NSF: variants seen among roughly 807,000 people sequenced by gnomAD.
NSF encodes N-ethylmaleimide sensitive factor, vesicle fusing ATPase, also known as vesicle-fusing ATPase.
Under a neutral mutation model 50.3 loss-of-function variants are expected in NSF, and 14 were observed. The ratio of observed to expected loss-of-function variants is 0.28; its 90% CI spans 0.18 to 0.44. The LOEUF is 0.44. Among genes scored for constraint, NSF ranks in the 20% least tolerant of loss-of-function variants. The probability of loss-of-function intolerance (pLI) is 1.00; values close to 1 mark genes in which losing one functional copy is unlikely to be tolerated. For synonymous variants in NSF, 109 were observed against 175.7 expected, an observed-to-expected ratio of 0.62 and a Z score of 3.00; for missense variants, 218 against 504.3, an observed-to-expected ratio of 0.43 and a Z score of 5.44.
At position 46,750,939 on chromosome 17, in the gene NSF, A is replaced by C. The variant is rs549032081; in HGVS notation, c.2044-564A>C. ...TTTTTTGAAAATGACAGTCATTTTT[A>C]AAAAAGAACGTTCTTCATTTAACTT... is the stretch of plus-strand genomic sequence containing the variant. On this transcript the variant is annotated intron_variant, in intron 18 of 20. Transcript: ENST00000398238. Among the ~76,000 whole-genome samples the C allele has an allele frequency of 3.9e-5, 6 of 152,214 alleles. No homozygotes were observed. In the East Asian group the frequency reaches 1.2e-3, roughly 29 times the overall value.
intron 15 of NSF, among the ~76,000 whole-genome samples, chr17:46,718,652 C>T (rs983838212): frequency 6.6e-6 from 1 of 152,130 alleles, no homozygotes; most frequent in African/African-American, 2.4e-5. Context: ...TTTGGGCTTG[C>T]TCAGCTCTCC....
chr17:46,710,183 T>C (rs1004607103), intron 13 of NSF, among the ~76,000 whole-genome samples: 1 of 152,202 alleles, frequency 6.6e-6, no homozygotes, highest in South Asian at 2.1e-4. Context: ...GATCTTTACA[T>C]GTAGTAGGTT....
intron 16 of NSF, among the ~76,000 whole-genome samples, chr17:46,727,221 G>A (rs2058898433): frequency 1.3e-5 from 2 of 152,158 alleles, no homozygotes; most frequent in Admixed American, 6.5e-5. Flanking sequence ...CTGTGTTGAA[G>A]TGCACTCCTA....
chr17:46,694,285 G>C (rs1156432964), intron 11 of NSF, among the ~76,000 whole-genome samples, 190 bp from the exon 12 acceptor site: 1 of 138,666 alleles, frequency 7.2e-6, no homozygotes, highest in Non-Finnish European at 1.5e-5. Flanking sequence ...TACTCGGAAG[G>C]CTGAGATAGG....
intron 9 of NSF, among the ~76,000 whole-genome samples, chr17:46,679,647 G>T (rs532231016): frequency 0.013 from 1,872 of 141,866 alleles, 15 homozygotes; most frequent in Admixed American, 0.019. Flanking sequence ...AGCCAAGATC[G>T]TGCCACTGGA....
At chr17:46,718,073 A>G (rs1450712856) in intron 15 of NSF, among the ~76,000 whole-genome samples, 5 of 152,204 alleles carry the variant, frequency 3.3e-5, no homozygotes, top group African/African-American at 1.2e-4. Context: ...AATGCCCCAC[A>G]GACCTAGGAT....
At chr17:46,742,910 A>G (rs1362660294) in intron 17 of NSF, among the ~76,000 whole-genome samples, 1 of 152,206 alleles carries the variant, frequency 6.6e-6, no homozygotes, top group East Asian at 1.9e-4. Flanking sequence ...ATGAAAAATT[A>G]TTCCTATTTC....
intron 17 of NSF, among the ~76,000 whole-genome samples, chr17:46,737,075 C>T (rs575845879): frequency 6.6e-6 from 1 of 152,146 alleles, no homozygotes; most frequent in Admixed American, 6.5e-5. Context: ...TAAGGAACAT[C>T]TGCTTTTATT....
chr17:46,729,726 TTAGAGA>T (rs1259703258), intron 17 of NSF, among the ~76,000 whole-genome samples: 5 of 152,158 alleles, frequency 3.3e-5, no homozygotes, highest in Admixed American at 6.5e-5. Flanking sequence ...ATATTTAAAG[TTAGAGA>T]TAGAAACTAA....
At chr17:46,740,037 T>A (rs539800994) in intron 17 of NSF, among the ~76,000 whole-genome samples, 3 of 152,334 alleles carry the variant, frequency 2.0e-5, no homozygotes, top group Admixed American at 2.0e-4. Context: ...CAAAGTTTCA[T>A]AGGCCCTGGG....
At chr17:46,710,694 C>G (rs1332636671) in intron 13 of NSF, among the ~76,000 whole-genome samples, 1 of 152,136 alleles carries the variant, frequency 6.6e-6, no homozygotes, top group Non-Finnish European at 1.5e-5. Context: ...TATTCTTTCT[C>G]TCAGGAATTA....
intron 19 of NSF, 126 bp from the exon 20 acceptor site, chr17:46,755,188 T>TGTAG: frequency 1.4e-6 from 1 of 695,984 alleles, no homozygotes; most frequent in Admixed American, 2.2e-5. Flanking sequence ...AAGGAGCAGG[T>TGTAG]AACACATTCA....
At chr17:46,630,931 A>G (rs2058128652) in intron 4 of NSF, among the ~76,000 whole-genome samples, 1 of 137,564 alleles carries the variant, frequency 7.3e-6, no homozygotes, top group South Asian at 2.2e-4. Context: ...AAAAAATTGT[A>G]TTTATAGAAA....
chr17:46,712,706 T>C (rs1434646094), intron 14 of NSF, among the ~76,000 whole-genome samples: 1 of 151,840 alleles, frequency 6.6e-6, no homozygotes, highest in African/African-American at 2.4e-5. Flanking sequence ...ACAGTGAGGG[T>C]GTGGGTTGAG....
chr17:46,752,742 C>T (rs559968133), intron 19 of NSF, among the ~76,000 whole-genome samples: 5 of 152,258 alleles, frequency 3.3e-5, no homozygotes, highest in Non-Finnish European at 7.4e-5. Flanking sequence ...AGGCATGCAC[C>T]ACTATGCCTG....
At position 46,755,989 on chromosome 17, in the gene NSF, A is replaced by G. The variant is rs1273918704; in HGVS notation, c.*166A>G. On this transcript the variant is annotated 3_prime_UTR_variant, in exon 21 of 21. Transcript: ENST00000398238. The stretch of plus-strand genomic sequence containing the variant: ...TGCAATAAAACTCCCTTCCTTATGC[A>G]TACTGAGATAGCTTAGTGTCTCGTG... 2 of 630,754 alleles carry G rather than the reference A, an allele frequency of 3.2e-6. No individual in the cohort carries two copies. The highest frequency in any genetic ancestry group is 5.4e-6 in the Non-Finnish European group (2 of 371,294). 39.1% of individuals were successfully genotyped at this position (630,754 alleles called of 1,614,324 possible).
chr17:46,697,846 AT>A (rs573783439), intron 12 of NSF, among the ~76,000 whole-genome samples: 1,472 of 127,336 alleles, frequency 0.012, 13 homozygotes, highest in Middle Eastern at 0.034. Context: ...GGCACCCACC[AT>A]CACGCCTGGC....
chr17:46,714,923 A>G (rs1160674053), intron 15 of NSF, among the ~76,000 whole-genome samples: 1 of 152,206 alleles, frequency 6.6e-6, no homozygotes, highest in Non-Finnish European at 1.5e-5. Flanking sequence ...TTTCTTTTAC[A>G]TTGCTCTTAG....
intron 9 of NSF, among the ~76,000 whole-genome samples, chr17:46,682,058 TA>T (rs1354014348): frequency 1.6e-5 from 1 of 64,346 alleles, no homozygotes; most frequent in Non-Finnish European, 2.3e-5. Flanking sequence ...AAAAAACTAT[TA>T]AAAATTAAAT....
Sources: gnomAD v4.1 joint callset for allele counts (sites outside exome capture counted in the v4.1 genomes callset) on GRCh38, gnomAD v4.1.1 for gene constraint, MANE v1.5 for transcripts, NCBI Gene and HGNC (gene_info 2026-07-23, HGNC 2026-07-21) for gene names.